DNAJC24: variants seen among roughly 807,000 people sequenced by gnomAD.
DNAJC24 encodes the protein DnaJ heat shock protein family (Hsp40) member C24.
DNAJC24 carries 17 observed loss-of-function variants against 18.0 expected under a neutral mutation model. That is an observed-to-expected ratio of 0.94 (90% CI 0.65 to 1.42). The LOEUF is 1.42. Among genes scored for constraint, DNAJC24 ranks in the 40% most tolerant of loss-of-function variants. The pLI, the probability that DNAJC24 is intolerant of heterozygous loss-of-function variation, is 0.00. For synonymous variants in DNAJC24, 55 were observed against 57.7 expected, an observed-to-expected ratio of 0.95 and a Z score of 0.21; for missense variants, 158 against 175.6, an observed-to-expected ratio of 0.90 and a Z score of 0.57.
At chr11:31,406,730 G>T (rs576284103) in intron 2 of DNAJC24, among the ~76,000 whole-genome samples, 59 of 152,232 alleles carry the variant, frequency 3.9e-4, no homozygotes, top group Admixed American at 6.5e-4. Flanking sequence ...ATGATTGCTG[G>T]GGACTAGTTA....
At position 31,414,822 on chromosome 11, in the gene DNAJC24, T is replaced by G. The variant is rs1460623477; in HGVS notation, c.123T>G (p.Asp41Glu). The change falls in exon 3 of 5, where the codon GAT (aspartate) becomes GAG (glutamate). Residue 41 changes from aspartate (D) to glutamate (E), a missense_variant. Coordinates refer to ENST00000465995, the MANE Select transcript of DNAJC24 (RefSeq NM_181706.5). ...TTTTTGATTGGCAGTATCATCCAGA[T>G]AAACAAAGTACAGATGTACCAGCAG... Reference protein sequence around the residue: ...YQKLILMYHPDKQSTDVPAGT... With the variant: ...YQKLILMYHPEKQSTDVPAGT... 1 of 1,613,176 alleles carries G rather than the reference T, an allele frequency of 6.2e-7. No individual in the cohort carries two copies. The highest frequency in any genetic ancestry group is 1.3e-5 in the African/African-American group (1 of 74,864).
chr11:31,381,511 A>G (rs1952376281), intron 2 of DNAJC24, among the ~76,000 whole-genome samples: 1 of 151,956 alleles, frequency 6.6e-6, no homozygotes. Context: ...TGGAAAAGAC[A>G]TATCTTTTTC....
At chr11:31,414,047 T>G (rs766369764) in intron 2 of DNAJC24, among the ~76,000 whole-genome samples, 33 of 152,200 alleles carry the variant, frequency 2.2e-4, no homozygotes, top group Non-Finnish European at 4.4e-4. Flanking sequence ...GCTACATGTA[T>G]ATCAGCATTT....
intron 2 of DNAJC24, among the ~76,000 whole-genome samples, chr11:31,388,057 C>T (rs1179056156): frequency 6.6e-6 from 1 of 151,578 alleles, no homozygotes; most frequent in African/African-American, 2.4e-5. Context: ...CTTGAAAATA[C>T]AGTCACAAGG....
intron 2 of DNAJC24, among the ~76,000 whole-genome samples, chr11:31,401,811 A>G (rs967551617): frequency 1.3e-5 from 2 of 152,204 alleles, no homozygotes; most frequent in Admixed American, 6.5e-5. Context: ...GTGGCTGGCC[A>G]CATAAGCACA....
chr11:31,397,642 C>T (rs1952555524), intron 2 of DNAJC24, among the ~76,000 whole-genome samples: 1 of 152,066 alleles, frequency 6.6e-6, no homozygotes, highest in Non-Finnish European at 1.5e-5. Flanking sequence ...CAGCCAAAGT[C>T]AGTCAATGTG....
intron 2 of DNAJC24, among the ~76,000 whole-genome samples, chr11:31,381,517 T>C (rs1329614334): frequency 2.1e-4 from 32 of 152,108 alleles, no homozygotes; most frequent in Admixed American, 2.1e-3. Flanking sequence ...AGACATATCT[T>C]TTTCCCTGAA....
At chr11:31,422,418 T>C (rs1469086485) in intron 3 of DNAJC24, among the ~76,000 whole-genome samples, 2 of 152,200 alleles carry the variant, frequency 1.3e-5, no homozygotes, top group African/African-American at 4.8e-5. Flanking sequence ...AATGGCCGTA[T>C]TTTGTTTCAA....
chr11:31,391,768 A>G (rs1458807587), intron 2 of DNAJC24, among the ~76,000 whole-genome samples: 1 of 152,232 alleles, frequency 6.6e-6, no homozygotes, highest in Admixed American at 6.5e-5. Flanking sequence ...CTCCAGAAAA[A>G]GGAAATTAGT....
intron 2 of DNAJC24, among the ~76,000 whole-genome samples, chr11:31,404,602 C>A (rs1952636462): frequency 6.6e-6 from 1 of 152,066 alleles, no homozygotes; most frequent in Non-Finnish European, 1.5e-5. Flanking sequence ...TTGACCTTTA[C>A]AATTTTATTT....
intron 2 of DNAJC24, among the ~76,000 whole-genome samples, chr11:31,411,451 G>T (rs1952708722): frequency 6.6e-6 from 1 of 152,184 alleles, no homozygotes; most frequent in Admixed American, 6.5e-5. Flanking sequence ...TAGTTCTGGA[G>T]AAGTCCAAAA....
At chr11:31,379,543 C>G (rs1245142128) in intron 2 of DNAJC24, among the ~76,000 whole-genome samples, 1 of 152,084 alleles carries the variant, frequency 6.6e-6, no homozygotes, top group Admixed American at 6.5e-5. Flanking sequence ...TTTGGCAACC[C>G]AAGATTGGTT....
chr11:31,393,817 A>G (rs1176213561), intron 2 of DNAJC24, among the ~76,000 whole-genome samples: 2 of 152,142 alleles, frequency 1.3e-5, no homozygotes, highest in African/African-American at 4.8e-5. Context: ...ATATATTTAT[A>G]TTATTGTACC....
intron 2 of DNAJC24, 56 bp downstream of exon 2, chr11:31,370,915 T>A: frequency 8.9e-7 from 1 of 1,127,966 alleles, no homozygotes; most frequent in Non-Finnish European, 1.3e-6. Flanking sequence ...AATTTTTATA[T>A]GAAACCACAA....
chr11:31,403,498 A>G (rs999617188), intron 2 of DNAJC24, among the ~76,000 whole-genome samples: 4 of 152,204 alleles, frequency 2.6e-5, no homozygotes, highest in African/African-American at 9.6e-5. Context: ...ACAAAATCAT[A>G]GGTGGATTCA....
chr11:31,383,197 C>T (rs1246375027), intron 2 of DNAJC24, among the ~76,000 whole-genome samples: 1 of 151,922 alleles, frequency 6.6e-6, no homozygotes, highest in African/African-American at 2.4e-5. Context: ...TTGATTAAAT[C>T]AGTGGCTGCT....
intron 2 of DNAJC24, among the ~76,000 whole-genome samples, chr11:31,394,791 A>G (rs931600272): frequency 2.6e-5 from 4 of 152,176 alleles, no homozygotes; most frequent in Admixed American, 2.6e-4. Flanking sequence ...TAGGAAAAGG[A>G]AAATAGAGTA....
rs145211877 is a variant in DNAJC24 at position 31,376,227 on chromosome 11, G to A, written c.111+5368G>A. Among the ~76,000 whole-genome samples the A allele has an allele frequency of 4.6e-3, 702 of 152,262 alleles. 2 individuals are homozygous for A. The highest frequency in any genetic ancestry group is 7.7e-3 in the Non-Finnish European group (527 of 68,004). ...CCATGATTGCGAGGCCTCCCCAGCC[G>A]TGTGGAACTTTGAACCATTAAACCT... On this transcript the variant is annotated intron_variant, in intron 2 of 4. Coordinates refer to ENST00000465995, the MANE Select transcript of DNAJC24 (RefSeq NM_181706.5).
intron 2 of DNAJC24, among the ~76,000 whole-genome samples, chr11:31,389,213 C>A (rs112581935): frequency 1.3e-5 from 2 of 151,988 alleles, no homozygotes; most frequent in Non-Finnish European, 2.9e-5. Flanking sequence ...GAAATACTGG[C>A]TGAATGAATT....
Sources: allele counts gnomAD v4.1 joint callset (sites outside exome capture counted in the v4.1 genomes callset), GRCh38; gene constraint gnomAD v4.1.1; transcripts MANE v1.5; gene names NCBI Gene and HGNC (gene_info 2026-07-23, HGNC 2026-07-21).